AOPEP: variants seen among roughly 807,000 people sequenced by gnomAD.
The protein encoded by AOPEP is aminopeptidase O (putative), also known as aminopeptidase O.
AOPEP carries 77 observed loss-of-function variants against 98.1 expected under a neutral mutation model. The ratio of observed to expected loss-of-function variants is 0.78; its 90% CI spans 0.65 to 0.95. AOPEP has a LOEUF of 0.95. Ranked by LOEUF, AOPEP falls within the 40% of genes least tolerant of loss-of-function variation. The pLI, the probability that AOPEP is intolerant of heterozygous loss-of-function variation, is 0.00. For missense variants in AOPEP, 1,024 were observed against 1,024.7 expected, an observed-to-expected ratio of 1.00 and a Z score of 0.01; for synonymous variants, 346 against 365.3, an observed-to-expected ratio of 0.95 and a Z score of 0.60.
At chr9:94,852,490 C>T (rs1184231426) in intron 5 of AOPEP, among the ~76,000 whole-genome samples, 2 of 152,206 alleles carry the variant, frequency 1.3e-5, no homozygotes, top group African/African-American at 4.8e-5. Flanking sequence ...ACAGATACTT[C>T]TTCATGGAGT....
chr9:94,976,581 C>G (rs79093967), intron 10 of AOPEP, among the ~76,000 whole-genome samples: 1,610 of 152,172 alleles, frequency 0.011, 32 homozygotes, highest in African/African-American at 0.037. Flanking sequence ...TAAGTCCTTT[C>G]CAAATTCTGC....
the AOPEP span, chr9:95,114,282 G>A: frequency 1.1e-5 from 4 of 362,010 alleles, no homozygotes; most frequent in East Asian, 6.8e-5. Flanking sequence ...CCTTCTGTGC[G>A]GCCAGGGAGG....
chr9:94,842,266 G>A (rs1027116799), intron 5 of AOPEP, among the ~76,000 whole-genome samples: 2 of 152,090 alleles, frequency 1.3e-5, no homozygotes, highest in African/African-American at 4.8e-5. Flanking sequence ...GGAGGCTGAG[G>A]CAGGAGAATT....
chr9:94,893,852 A>G (rs1416036920), intron 5 of AOPEP, among the ~76,000 whole-genome samples: 1 of 152,206 alleles, frequency 6.6e-6, no homozygotes, highest in Non-Finnish European at 1.5e-5. Context: ...CTGCTTTATA[A>G]ACTGACAGTT....
chr9:95,124,519 G>A, the AOPEP span, among the ~76,000 whole-genome samples: 2 of 152,138 alleles, frequency 1.3e-5, no homozygotes, highest in African/African-American at 4.8e-5. Context: ...TACTGACTGT[G>A]TCTAACACAC....
intron 16 of AOPEP, among the ~76,000 whole-genome samples, chr9:95,083,422 A>G (rs34588714): frequency 7.6e-5 from 11 of 143,972 alleles, no homozygotes; most frequent in African/African-American, 2.6e-4. Flanking sequence ...CAGAGCACAC[A>G]CGGCACATGC....
At chr9:94,817,146 C>G (rs1251947600) in intron 5 of AOPEP, among the ~76,000 whole-genome samples, 1 of 152,120 alleles carries the variant, frequency 6.6e-6, no homozygotes, top group Non-Finnish European at 1.5e-5. Flanking sequence ...GGACTATAGG[C>G]GTGCACCACC....
chr9:94,815,704 C>T (rs1291022751), intron 5 of AOPEP, among the ~76,000 whole-genome samples: 1 of 152,156 alleles, frequency 6.6e-6, no homozygotes, highest in African/African-American at 2.4e-5. Context: ...GCAACCATTG[C>T]CTGCACGGTT....
At chr9:95,023,831 G>C (rs1280650075) in intron 13 of AOPEP, among the ~76,000 whole-genome samples, 1 of 152,200 alleles carries the variant, frequency 6.6e-6, no homozygotes, top group African/African-American at 2.4e-5. Flanking sequence ...AATGGGTCCA[G>C]TGTTTGTCCC....
At chr9:95,038,200 C>T (rs1019623092) in intron 13 of AOPEP, among the ~76,000 whole-genome samples, 2 of 152,036 alleles carry the variant, frequency 1.3e-5, no homozygotes, top group East Asian at 3.9e-4. Context: ...CCAGTTATAC[C>T]AAAAGTGATG....
At position 94,891,650 on chromosome 9, in the gene AOPEP, C is replaced by G. The variant is rs182090407; in HGVS notation, c.1365-32336C>G. Among the ~76,000 whole-genome samples the G allele has an allele frequency of 2.6e-5, 4 of 152,188 alleles. No individual in the cohort carries two copies. In the East Asian group the frequency reaches 7.7e-4, roughly 29 times the overall value. Reference sequence around the variant, plus strand: ...ACTCTTCCATTTAGATACCTTTACCCTCCTCACTTCTGAAATATATTTTGT... The same window carrying G: ...ACTCTTCCATTTAGATACCTTTACCGTCCTCACTTCTGAAATATATTTTGT... On this transcript the variant is annotated intron_variant, in intron 5 of 16. Transcript: ENST00000375315.
chr9:94,788,097 G>T (rs7027571), intron 3 of AOPEP, among the ~76,000 whole-genome samples: 5,775 of 151,976 alleles, frequency 0.038, 350 homozygotes, highest in African/African-American at 0.13. Context: ...TTGACATAGG[G>T]TCTTCCTCTG....
At chr9:95,090,544 C>T (rs1423854946), downstream of AOPEP, among the ~76,000 whole-genome samples, 1 of 152,116 alleles carries the variant, frequency 6.6e-6, no homozygotes, top group East Asian at 1.9e-4. Context: ...CCCAGAGGGC[C>T]CCCCCTTCGA....
intron 11 of AOPEP, among the ~76,000 whole-genome samples, chr9:94,981,857 G>A (rs1175749936): frequency 6.6e-6 from 1 of 152,192 alleles, no homozygotes; most frequent in Non-Finnish European, 1.5e-5. Flanking sequence ...TTCTACTGGT[G>A]GAGTTTTCAT....
chr9:94,845,581 A>T (rs954648450), intron 5 of AOPEP, among the ~76,000 whole-genome samples: 1 of 152,208 alleles, frequency 6.6e-6, no homozygotes, highest in Non-Finnish European at 1.5e-5. Flanking sequence ...AGAAATCTAC[A>T]TGCGAGATAA....
At chr9:94,768,798 C>T (rs569436231) in intron 2 of AOPEP, among the ~76,000 whole-genome samples, 7 of 152,154 alleles carry the variant, frequency 4.6e-5, no homozygotes, top group Non-Finnish European at 1.0e-4. Flanking sequence ...TGAGATGAAC[C>T]CTGGTGAGAG....
intron 5 of AOPEP, among the ~76,000 whole-genome samples, chr9:94,802,393 G>A (rs952151192): frequency 2.6e-5 from 4 of 152,218 alleles, no homozygotes; most frequent in African/African-American, 9.6e-5. Context: ...CAAAGGCAGA[G>A]TATTTTTCAT....
At chr9:95,025,318 C>T (rs978792122) in intron 13 of AOPEP, among the ~76,000 whole-genome samples, 10 of 152,232 alleles carry the variant, frequency 6.6e-5, no homozygotes, top group African/African-American at 2.4e-4. Flanking sequence ...CCCCCTACTC[C>T]TTCCAGCCTT....
downstream of AOPEP, among the ~76,000 whole-genome samples, chr9:95,091,389 C>T (rs2070864842): frequency 6.6e-6 from 1 of 152,192 alleles, no homozygotes; most frequent in South Asian, 2.1e-4. Flanking sequence ...CGGGGTGCTG[C>T]CTGGCACTTT....
Sources: gnomAD v4.1 joint callset for allele counts (sites outside exome capture counted in the v4.1 genomes callset) on GRCh38, gnomAD v4.1.1 for gene constraint, MANE v1.5 for transcripts, NCBI Gene and HGNC (gene_info 2026-07-23, HGNC 2026-07-21) for gene names.